MMP16: variants seen among roughly 807,000 people sequenced by gnomAD.
MMP16 encodes matrix metallopeptidase 16.
A neutral mutation model predicts 67.8 loss-of-function variants in MMP16; 12 were observed. The ratio of observed to expected loss-of-function variants is 0.18; its 90% CI spans 0.11 to 0.29. The LOEUF is 0.29. Ranked by LOEUF, MMP16 falls within the 10% of genes least tolerant of loss-of-function variation. MMP16 has a pLI of 1.00. For synonymous variants in MMP16, 249 were observed against 255.9 expected (o/e 0.97, Z 0.26); for missense variants, 475 against 765.7 (o/e 0.62, Z 4.48).
At chr8:88,130,127 G>A (rs1489816941) in intron 4 of MMP16, among the ~76,000 whole-genome samples, 1 of 151,676 alleles carries the variant, frequency 6.6e-6, no homozygotes, top group Non-Finnish European at 1.5e-5. Context: ...GTAAAGTTTG[G>A]CTTGATAAAT....
Position 88,039,724 on chromosome 8 carries a change from A to T in MMP16, c.*1737T>A, listed in dbSNP as rs1416278666. On this transcript the variant is annotated 3_prime_UTR_variant, in exon 10 of 10. Transcript: ENST00000286614. The surrounding 1 kb of genome is among the most constrained non-coding windows in gnomAD (Gnocchi z 4.5). ...GCATTCATTCTGACCATCTCTAATA[A>T]GTTCACAGCCCAGTGGCTGTAAAGC... The T allele has an allele frequency of 1.3e-5, 2 of 152,646 alleles. No individual in the cohort carries two copies. The highest frequency in any genetic ancestry group is 2.4e-5 in the African/African-American group (1 of 41,468). The allele number at this position is 152,646 out of a possible 1,614,324, so 9.5% of individuals were successfully genotyped here.
intron 3 of MMP16, among the ~76,000 whole-genome samples, chr8:88,178,198 A>G (rs1315994014): frequency 6.6e-6 from 1 of 152,208 alleles, no homozygotes; most frequent in African/African-American, 2.4e-5. Flanking sequence ...AGGGAAGAGA[A>G]AACAGAGGCT....
intron 4 of MMP16, among the ~76,000 whole-genome samples, chr8:88,140,470 T>C (rs895599350): frequency 7.2e-5 from 11 of 152,266 alleles, no homozygotes; most frequent in African/African-American, 2.6e-4. Flanking sequence ...TTAGAATCTA[T>C]GTTTCAATGG....
At chr8:88,190,504 T>C (rs963944413) in intron 2 of MMP16, among the ~76,000 whole-genome samples, 1 of 152,218 alleles carries the variant, frequency 6.6e-6, no homozygotes, top group African/African-American at 2.4e-5. Context: ...TTGTCTAACA[T>C]TAAATACAAA....
chr8:88,231,878 T>G (rs369231453), intron 1 of MMP16, among the ~76,000 whole-genome samples: 14 of 152,344 alleles, frequency 9.2e-5, no homozygotes, highest in African/African-American at 3.4e-4. Context: ...ATATGTATTT[T>G]TATGTTATAA....
At chr8:88,083,043 T>A (rs1393740972) in intron 6 of MMP16, among the ~76,000 whole-genome samples, 1 of 151,990 alleles carries the variant, frequency 6.6e-6, no homozygotes, top group East Asian at 1.9e-4. Flanking sequence ...GTTAAAAGGA[T>A]TTCTGGTATT....
intron 1 of MMP16, among the ~76,000 whole-genome samples, chr8:88,199,889 T>C (rs1770044752): frequency 6.6e-6 from 1 of 152,012 alleles, no homozygotes; most frequent in South Asian, 2.1e-4. Context: ...GGTTGTGCCT[T>C]AATGTCTTTT....
chr8:88,327,387 C>T lies in MMP16; in HGVS notation c.-181G>A. 3.1e-6 allele frequency: 2 copies of T among 644,340 alleles called. No homozygotes were observed. The highest frequency in any genetic ancestry group is 2.6e-6 in the Non-Finnish European group (1 of 381,602). The allele number at this position is 644,340 out of a possible 1,614,324, so 39.9% of individuals were successfully genotyped here. A position where few individuals can be genotyped will look rare whatever the true frequency, so the allele number is the denominator to read the frequency against. ...CCCGCGCTCGGCAGCCCCCGAGAGG[C>T]AGCGGCGAAGACAGGGTCAGCAGTA... On this transcript the variant is annotated 5_prime_UTR_variant, in exon 1 of 10. Transcript: ENST00000286614.
intron 1 of MMP16, among the ~76,000 whole-genome samples, chr8:88,222,230 C>T (rs539715781): frequency 6.6e-6 from 1 of 151,740 alleles, no homozygotes; most frequent in African/African-American, 2.4e-5. Context: ...TAAATAGCAA[C>T]CTTCATGAGA....
rs1267606421 is a variant in MMP16 at position 88,153,027 on chromosome 8, C to A, written c.709+14642G>T. On this transcript the variant is annotated intron_variant, in intron 4 of 9. Transcript: ENST00000286614. ...GCAACTTCAGCAAAGTCTCAGGATA[C>A]AAAATCAATGTACAAAAATCACAAG... 3.4e-5 allele frequency among the ~76,000 whole-genome samples: 4 copies of A among 116,334 alleles called. No homozygotes were observed. The South Asian group carries it at 1.3e-3, about 39-fold the overall frequency. The allele number at this position is 116,334 out of a possible 152,430, so 76.3% of individuals were successfully genotyped here. A position where few individuals can be genotyped will look rare whatever the true frequency, so the allele number is the denominator to read the frequency against.
chr8:88,116,331 A>G (rs1375630931), intron 6 of MMP16, among the ~76,000 whole-genome samples, 176 bp downstream of exon 6: 2 of 152,078 alleles, frequency 1.3e-5, no homozygotes, highest in African/African-American at 4.8e-5. Flanking sequence ...CGTTACAGCA[A>G]TCTTCTGCTA....
chr8:88,320,633 T>C (rs1811443968), intron 1 of MMP16, among the ~76,000 whole-genome samples: 1 of 152,200 alleles, frequency 6.6e-6, no homozygotes, highest in African/African-American at 2.4e-5. Context: ...CTGTGTTCAT[T>C]GATTTCTTCA....
At chr8:88,160,009 T>G (rs988032435) in intron 4 of MMP16, among the ~76,000 whole-genome samples, 3 of 151,910 alleles carry the variant, frequency 2.0e-5, no homozygotes, top group African/African-American at 7.2e-5. Context: ...TTAGGGTACA[T>G]GTGCACAATG....
chr8:88,075,938 T>TACACACACAC (rs71556442), intron 6 of MMP16, among the ~76,000 whole-genome samples: 14,864 of 140,270 alleles, frequency 0.11, 913 homozygotes, highest in African/African-American at 0.14. Flanking sequence ...CATATATTCA[T>TACACACACAC]ACACACACAC....
intron 4 of MMP16, among the ~76,000 whole-genome samples, chr8:88,149,519 C>CG (rs1363480389): frequency 1.3e-5 from 2 of 152,274 alleles, no homozygotes; most frequent in East Asian, 3.9e-4. Context: ...GATCTGAGAA[C>CG]GGGGGGACTG....
rs560606880 is a variant in MMP16 at position 88,235,498 on chromosome 8, T to A, written c.133-38192A>T. Among the ~76,000 whole-genome samples the A allele has an allele frequency of 5.8e-4, 89 of 152,174 alleles. 1 individual carries two copies. The highest frequency in any genetic ancestry group is 2.0e-3 in the African/African-American group (83 of 41,512). On this transcript the variant is annotated intron_variant, in intron 1 of 9. Coordinates refer to ENST00000286614, the MANE Select transcript of MMP16 (RefSeq NM_005941.5). ...TAACCTGCTAGTTAAACTTAGAAAC[T>A]ATTTGATTTTGAGAAAAATAGTACA...
At chr8:88,314,073 TCTCA>T (rs1811340606) in intron 1 of MMP16, among the ~76,000 whole-genome samples, 1 of 152,204 alleles carries the variant, frequency 6.6e-6, no homozygotes, top group South Asian at 2.1e-4. Flanking sequence ...CTGTCCCATA[TCTCA>T]CTGATATTCT....
At chr8:88,268,817 T>C (rs530644647) in intron 1 of MMP16, among the ~76,000 whole-genome samples, 1 of 101,822 alleles carries the variant, frequency 9.8e-6, no homozygotes, top group East Asian at 4.2e-4. Flanking sequence ...TCCCACACTT[T>C]GTTATTGTTC....
chr8:88,186,625 A>T (rs78010318), intron 2 of MMP16, 27 bp from the exon 3 acceptor site: 1 of 1,447,306 alleles, frequency 6.9e-7, no homozygotes, highest in South Asian at 1.3e-5. Flanking sequence ...AAAAAAAAAA[A>T]AGCAGTATTT....
Sources: allele counts gnomAD v4.1 joint callset (sites outside exome capture counted in the v4.1 genomes callset), GRCh38; gene constraint gnomAD v4.1.1; non-coding constraint Gnocchi (gnomAD v3.1); transcripts MANE v1.5; gene names NCBI Gene and HGNC (gene_info 2026-07-23, HGNC 2026-07-21).